Variants in IFT172 observed in about 807,000 individuals in gnomAD.
IFT172 encodes the protein intraflagellar transport 172, also known as intraflagellar transport protein 172 homolog.
IFT172 carries 164 observed loss-of-function variants against 248.9 expected under a neutral mutation model. The ratio of observed to expected loss-of-function variants is 0.66; its 90% CI spans 0.58 to 0.75. The LOEUF is 0.75. Among genes scored for constraint, IFT172 ranks in the 30% least tolerant of loss-of-function variants. The pLI is 0.00. For synonymous variants in IFT172, 729 were observed against 791.6 expected (o/e 0.92, Z 1.33); for missense variants, 1,950 against 2,192.4 (o/e 0.89, Z 2.21).
intron 33 of IFT172, 32 bp downstream of exon 33, chr2:27,453,950 C>A: frequency 9.5e-6 from 15 of 1,585,038 alleles, no homozygotes; most frequent in Non-Finnish European, 1.3e-5. Flanking sequence ...AACTCTCCCC[C>A]TCCCCTCATG....
chr2:27,453,861 T>C, intron 33 of IFT172, 121 bp downstream of exon 33: 3 of 1,378,866 alleles, frequency 2.2e-6, no homozygotes, highest in South Asian at 2.5e-5. Flanking sequence ...CTCTTTCCTG[T>C]CTTCCCCACT....
At position 27,472,318 on chromosome 2, in the gene IFT172, T is replaced by G; in HGVS notation, c.1456A>C (p.Ser486Arg). The G allele has an allele frequency of 6.2e-7, 1 of 1,614,126 alleles. No individual in the cohort carries two copies. Among genetic ancestry groups the G allele is most frequent in the Non-Finnish European group, 8.5e-7 (1 of 1,180,028 alleles). The stretch of plus-strand genomic sequence containing the variant: ...TTAAGTTCCAGCCAATCCACACGGC[T>G]CTCATGGCTGACGGTGCCAATGTTG... ...GYNIGTVSHE[S>R]RVDWLELNET... The change falls in exon 15 of 48, where the codon AGC (serine) becomes CGC (arginine). Residue 486 changes from serine (S) to arginine (R), a missense_variant. Physicochemically the swap from Ser to Arg is moderately radical, Grantham distance 110. Coordinates refer to ENST00000260570, the MANE Select transcript of IFT172 (RefSeq NM_015662.3).
At chr2:27,487,097 C>T (rs1394709382) in intron 1 of IFT172, among the ~76,000 whole-genome samples, 2 of 152,050 alleles carry the variant, frequency 1.3e-5, no homozygotes, top group Admixed American at 6.6e-5. Flanking sequence ...CGTGTGCTAC[C>T]ATGCCTGGCT....
chr2:27,447,404 G>A (rs963768620), intron 42 of IFT172, 111 bp downstream of exon 42: 4 of 1,424,992 alleles, frequency 2.8e-6, no homozygotes, highest in South Asian at 1.3e-5. Flanking sequence ...AAGACAGGTG[G>A]GGAGATTCAA....
At chr2:27,483,783 G>T in intron 5 of IFT172, 89 bp downstream of exon 5, 3 of 1,445,616 alleles carry the variant, frequency 2.1e-6, no homozygotes, top group African/African-American at 1.4e-5. Context: ...TACGCAACTT[G>T]ATCCTAAGAA....
In IFT172 at chr2:27,480,134, G is replaced by C. The variant is rs1017975189; in HGVS notation, c.801C>G (p.Asn267Lys). Residue 267 changes from asparagine to lysine, a missense_variant, in exon 9 of 48, where the codon AAC becomes AAG. Coordinates refer to ENST00000260570, the MANE Select transcript of IFT172 (RefSeq NM_015662.3). ...LGSYDRLRVF[N>K]WIPRRSIWEE... ...CCCAGATGCTTCTTCGAGGGATCCA[G>C]TTGAACACCCGAAGCCTGAAATAAA... 1 of 1,613,952 alleles carries C rather than the reference G, an allele frequency of 6.2e-7. No individual in the cohort carries two copies. Among genetic ancestry groups the C allele is most frequent in the Non-Finnish European group, 8.5e-7 (1 of 1,179,940 alleles).
At chr2:27,483,826 A>G (rs565778879) in intron 5 of IFT172, 46 bp downstream of exon 5, 5 of 1,530,470 alleles carry the variant, frequency 3.3e-6, no homozygotes, top group Non-Finnish European at 4.5e-6. Context: ...CTCCAGAACC[A>G]TTATCCCTAC....
intron 18 of IFT172, 80 bp downstream of exon 18, chr2:27,465,331 T>C (rs1284524410): frequency 8.5e-7 from 1 of 1,171,372 alleles, no homozygotes; most frequent in Non-Finnish European, 1.3e-6. Context: ...AACACCGGAT[T>C]GGAGTAGCCC....
At chr2:27,489,497 G>C in intron 1 of IFT172, 118 bp downstream of exon 1, 1 of 717,180 alleles carries the variant, frequency 1.4e-6, no homozygotes, top group South Asian at 1.7e-5. Flanking sequence ...CCAGATCATC[G>C]CTATATCCCT....
intron 40 of IFT172, among the ~76,000 whole-genome samples, chr2:27,448,506 G>T: frequency 6.6e-6 from 1 of 152,216 alleles, no homozygotes; most frequent in Admixed American, 6.5e-5. Context: ...TTTCTTAGCT[G>T]GTGCTGTGTG....
At chr2:27,481,851 T>G (rs1365286590) in intron 7 of IFT172, among the ~76,000 whole-genome samples, 2 of 151,954 alleles carry the variant, frequency 1.3e-5, no homozygotes, top group African/African-American at 2.4e-5. Context: ...TATTGGAAAT[T>G]TTTAATATGC....
At chr2:27,465,604 G>A (rs542447084) in intron 17 of IFT172, 86 bp from the exon 18 acceptor site, 1 of 1,531,854 alleles carries the variant, frequency 6.5e-7, no homozygotes, top group African/African-American at 1.4e-5. Context: ...CAAGGGGAGG[G>A]GGAAGGGCCA....
At chr2:27,468,703 G>A (rs1307188096) in intron 16 of IFT172, among the ~76,000 whole-genome samples, 1 of 151,806 alleles carries the variant, frequency 6.6e-6, no homozygotes, top group Non-Finnish European at 1.5e-5. Flanking sequence ...CAAAAAATTA[G>A]CCGGGCATGG....
intron 12 of IFT172, 25 bp from the exon 13 acceptor site, chr2:27,477,345 G>A (rs372327431): frequency 1.6e-5 from 26 of 1,589,298 alleles, no homozygotes; most frequent in East Asian, 4.5e-5. Context: ...GTTGTTATAC[G>A]GTGGAAAGGC....
chr2:27,445,203 T>C lies in IFT172; in HGVS notation c.5068+93A>G. The stretch of plus-strand genomic sequence containing the variant: ...GGGGTAGAAAGCACAGTCCTGTCTT[T>C]TGTACCCTTTACTGAATCCTAGTAA... On this transcript the variant is annotated intron_variant, in intron 46 of 47. Transcript: ENST00000260570. The surrounding 1 kb of genome is among the most constrained non-coding windows in gnomAD (Gnocchi z 4.4). 1 of 1,587,238 alleles carries C rather than the reference T, an allele frequency of 6.3e-7. No homozygotes were observed. Among genetic ancestry groups the C allele is most frequent in the Non-Finnish European group, 8.6e-7 (1 of 1,164,870 alleles).
rs373421077 is a variant in IFT172 at position 27,445,125 on chromosome 2, G to T, written c.5069-20C>A. On this transcript the variant is annotated intron_variant, in intron 46 of 47. Coordinates refer to ENST00000260570, the MANE Select transcript of IFT172 (RefSeq NM_015662.3). The surrounding 1 kb of genome is among the most constrained non-coding windows in gnomAD (Gnocchi z 4.4). ...GGTATCCTGTGGAGGAAGAAAAAAT[G>T]ATGAACTGGGGTTTGAGAGAGATTG... 4 of 1,613,252 alleles carry T rather than the reference G, an allele frequency of 2.5e-6. No individual in the cohort carries two copies. Among genetic ancestry groups the T allele is most frequent in the Admixed American group, 1.7e-5 (1 of 59,846 alleles).
intron 21 of IFT172, 107 bp downstream of exon 21, chr2:27,461,646 TCAAGTC>T: frequency 6.6e-7 from 1 of 1,523,162 alleles, no homozygotes; most frequent in Non-Finnish European, 9.1e-7. Context: ...CCTCACCACA[TCAAGTC>T]CAAGCCCCAA....
intron 1 of IFT172, among the ~76,000 whole-genome samples, chr2:27,488,903 G>T (rs1371037574): frequency 6.6e-6 from 1 of 152,192 alleles, no homozygotes; most frequent in Non-Finnish European, 1.5e-5. Flanking sequence ...TTACCCGGGC[G>T]TGCTAGCGCA....
intron 42 of IFT172, 162 bp from the exon 43 acceptor site, chr2:27,446,517 C>G: frequency 1.7e-6 from 1 of 588,608 alleles, no homozygotes; most frequent in Non-Finnish European, 3.0e-6. Context: ...TTCTTTTTCT[C>G]TGAACAAGAC....
Sources: gnomAD v4.1 joint callset for allele counts (sites outside exome capture counted in the v4.1 genomes callset) on GRCh38, gnomAD v4.1.1 for gene constraint, Gnocchi (gnomAD v3.1) non-coding constraint, MANE v1.5 for transcripts, NCBI Gene and HGNC (gene_info 2026-07-23, HGNC 2026-07-21) for gene names.